YIPF6: variants seen among roughly 807,000 people sequenced by gnomAD.
The protein encoded by YIPF6 is Yip1 domain family member 6, also known as protein YIPF6.
Under a neutral mutation model 16.8 loss-of-function variants are expected in YIPF6, and 3 were observed. The observed-to-expected ratio is 0.18, with a 90% CI of 0.08 to 0.46. YIPF6 has a LOEUF of 0.46. Among genes scored for constraint, YIPF6 ranks in the 20% least tolerant of loss-of-function variants. The pLI is 0.98. For missense variants in YIPF6, 145 were observed against 184.9 expected (o/e 0.78, Z 1.25); for synonymous variants, 67 against 61.9 (o/e 1.08, Z -0.38).
chrX:68,522,933 T>A lies in YIPF6; in HGVS notation c.592+16T>A. The A allele has an allele frequency of 8.3e-7, 1 of 1,208,368 alleles. No individual in the cohort carries two copies. Among genetic ancestry groups the A allele is most frequent in the Non-Finnish European group, 1.1e-6 (1 of 894,161 alleles). On this transcript the variant is annotated intron_variant, in intron 6 of 6. Transcript: ENST00000462683. ...TCTATAGTTGGTAAGTATGTACTTA[T>A]TTCCACAATAACAGAACAGACAAAA...
At chrX:68,518,929 G>C in intron 4 of YIPF6, 117 bp downstream of exon 4, 3 of 694,237 alleles carry the variant, frequency 4.3e-6, no homozygotes, top group African/African-American at 2.2e-5. Flanking sequence ...ATGACATGTT[G>C]TACATGTTAT....
intron 1 of YIPF6, among the ~76,000 whole-genome samples, chrX:68,508,221 C>T (rs1364344473): frequency 1.8e-5 from 2 of 108,864 alleles, no homozygotes; most frequent in South Asian, 4.1e-4. Flanking sequence ...CCACCATAGC[C>T]TTCTGAGTAG....
chrX:68,506,116 T>C (rs1421431730), intron 1 of YIPF6, among the ~76,000 whole-genome samples: 2 of 111,043 alleles, frequency 1.8e-5, no homozygotes, highest in Non-Finnish European at 3.8e-5. Context: ...CCCAGACATA[T>C]CATCTTCATT....
At position 68,507,083 on chromosome X, in the gene YIPF6, G is replaced by C. The variant is rs1315211825; in HGVS notation, c.58-4766G>C. ...TGTTTTTCTAAGTATAGTTTTCTGGGAACAGAGCTACACTTATTTATTTAT... is the reference window on the plus strand; with the variant it reads ...TGTTTTTCTAAGTATAGTTTTCTGGCAACAGAGCTACACTTATTTATTTAT... On this transcript the variant is annotated intron_variant, in intron 1 of 6. Coordinates refer to ENST00000462683, the MANE Select transcript of YIPF6 (RefSeq NM_173834.4). Among the ~76,000 whole-genome samples the C allele has an allele frequency of 3.6e-5, 4 of 111,566 alleles. No homozygotes were observed. In the East Asian group the frequency reaches 1.1e-3, roughly 31 times the overall value.
chrX:68,502,086 G>A (rs951720152), intron 1 of YIPF6, among the ~76,000 whole-genome samples: 6 of 112,005 alleles, frequency 5.4e-5, no homozygotes, highest in Admixed American at 9.5e-5. Context: ...CTACTAACCT[G>A]GGAGGCTTAA....
In YIPF6 at chrX:68,499,097, C is replaced by T. The variant is rs1036099815; in HGVS notation, c.31C>T (p.Pro11Ser). ...GGAAGCGGAGGAGTCTCCAGGAGAC[C>T]CGGGGACAGCATCGCCCAGGCCCCT... MAEAEESPGD[P>S]GTASPRPLFA... is the part of the protein sequence containing the mutation. Residue 11 changes from proline to serine, a missense_variant, in exon 1 of 7, where the codon CCG (proline) becomes TCG (serine). Physicochemically the swap from Pro to Ser is moderately conservative, Grantham distance 74 (BLOSUM62 -1). Transcript: ENST00000462683. 20 of 1,187,029 alleles carry T rather than the reference C, an allele frequency of 1.7e-5. No homozygotes were observed. Among genetic ancestry groups the T allele is most frequent in the Non-Finnish European group, 2.3e-5 (20 of 883,375 alleles).
In YIPF6 at chrX:68,536,659, T is replaced by A. The variant is rs2079192699; in HGVS notation, c.*4660T>A. The A allele has an allele frequency of 8.9e-6, 1 of 111,733 alleles. No individual in the cohort carries two copies. Among genetic ancestry groups the A allele is most frequent in the African/African-American group, 3.3e-5 (1 of 30,685 alleles). 9.2% of individuals were successfully genotyped at this position (111,733 alleles called of 1,213,427 possible). A position where few individuals can be genotyped will look rare whatever the true frequency, so the allele number is the denominator to read the frequency against. Reference sequence around the variant, plus strand: ...TACCCTAGAACTGACTGGATGTAGATAACATTTGTTTTCAGAGTAATGGAA... The same window carrying A: ...TACCCTAGAACTGACTGGATGTAGAAAACATTTGTTTTCAGAGTAATGGAA... On this transcript the variant is annotated 3_prime_UTR_variant, in exon 7 of 7. Coordinates refer to ENST00000462683, the MANE Select transcript of YIPF6 (RefSeq NM_173834.4).
chrX:68,525,672 G>A (rs1163252397), intron 6 of YIPF6, among the ~76,000 whole-genome samples: 5 of 111,972 alleles, frequency 4.5e-5, no homozygotes, highest in Middle Eastern at 4.7e-3. Flanking sequence ...TAAGGTATAA[G>A]GAAAGGGTCC....
intron 1 of YIPF6, among the ~76,000 whole-genome samples, chrX:68,501,772 A>G (rs2079042017): frequency 8.9e-6 from 1 of 111,739 alleles, no homozygotes. Context: ...AATTATTAGG[A>G]GATAAGCCTT....
chrX:68,521,646 TTACTGCAGCC>T (rs1385989987), intron 5 of YIPF6, 149 bp downstream of exon 5: 25 of 552,951 alleles, frequency 4.5e-5, no homozygotes, highest in Non-Finnish European at 6.7e-5. Context: ...TGATCATGGC[TTACTGCAGCC>T]TCTATCTCCC....
intron 6 of YIPF6, among the ~76,000 whole-genome samples, chrX:68,529,647 G>C (rs1397731412): frequency 2.7e-5 from 3 of 111,695 alleles, no homozygotes; most frequent in Non-Finnish European, 5.6e-5. Context: ...GTGACCTTCA[G>C]ATGGGGTTTC....
chrX:68,503,436 C>T (rs1283693294), intron 1 of YIPF6, among the ~76,000 whole-genome samples: 1 of 111,637 alleles, frequency 9.0e-6, no homozygotes, highest in African/African-American at 3.3e-5. Flanking sequence ...GGATCCAAGT[C>T]GCCTTTCCCG....
At chrX:68,531,601 A>G (rs186573649) in intron 6 of YIPF6, among the ~76,000 whole-genome samples, 135 of 112,364 alleles carry the variant, frequency 1.2e-3, no homozygotes, top group Admixed American at 4.8e-3. Context: ...AAGCCTTTTC[A>G]GTACAGTTCA....
intron 3 of YIPF6, 42 bp from the exon 4 acceptor site, chrX:68,518,728 C>T (rs765861741): frequency 1.7e-6 from 2 of 1,167,752 alleles, no homozygotes; most frequent in African/African-American, 3.7e-5. Flanking sequence ...AGAATAAAGA[C>T]AGAAAATATT....
chrX:68,507,778 A>G (rs1371735392), intron 1 of YIPF6, among the ~76,000 whole-genome samples: 1 of 109,230 alleles, frequency 9.2e-6, no homozygotes, highest in Non-Finnish European at 1.9e-5. Context: ...AATTTTTTGT[A>G]TTTTTAGTAG....
At chrX:68,509,114 GTT>G (rs202244962) in intron 1 of YIPF6, among the ~76,000 whole-genome samples, 2 of 98,382 alleles carry the variant, frequency 2.0e-5, no homozygotes. Context: ...TTTTGTTGTT[GTT>G]TTTTTTTTTT....
In YIPF6 at chrX:68,512,084, T is replaced by A. The variant is rs183460637; in HGVS notation, c.186+107T>A. On this transcript the variant is annotated intron_variant, in intron 2 of 6. Transcript: ENST00000462683. ...GTTCACTGATTTTGAATATATTTTA[T>A]ATACTGAAGTTTAATATTTTATCCT... is the stretch of plus-strand genomic sequence containing the variant. 138 of 857,763 alleles carry A rather than the reference T, an allele frequency of 1.6e-4. 1 individual carries two copies. The Middle Eastern group carries it at 3.1e-3, about 20-fold the overall frequency. 70.7% of individuals were successfully genotyped at this position (857,763 alleles called of 1,213,427 possible). A position where few individuals can be genotyped will look rare whatever the true frequency, so the allele number is the denominator to read the frequency against.
At chrX:68,503,284 T>C (rs774968920) in intron 1 of YIPF6, among the ~76,000 whole-genome samples, 2 of 112,216 alleles carry the variant, frequency 1.8e-5, no homozygotes, top group South Asian at 7.3e-4. Context: ...CAGTCCCTGC[T>C]TTTATTGTGT....
intron 1 of YIPF6, among the ~76,000 whole-genome samples, chrX:68,503,547 G>C (rs1025040909): frequency 5.4e-5 from 6 of 111,898 alleles, no homozygotes; most frequent in African/African-American, 2.0e-4. Context: ...TCAGCTCATG[G>C]AACACTGTTG....
Sources: allele counts gnomAD v4.1 joint callset (sites outside exome capture counted in the v4.1 genomes callset), GRCh38; gene constraint gnomAD v4.1.1; transcripts MANE v1.5; gene names NCBI Gene and HGNC (gene_info 2026-07-23, HGNC 2026-07-21).